COX7B2: variants seen among roughly 807,000 people sequenced by gnomAD.
COX7B2 encodes cytochrome c oxidase subunit 7B2, mitochondrial.
For synonymous variants in COX7B2, 37 were observed against 32.1 expected (o/e 1.15, Z -0.51); for missense variants, 109 against 95.9 (o/e 1.14, Z -0.57).
At chr4:46,842,752 T>C (rs1716018372) in intron 2 of COX7B2, among the ~76,000 whole-genome samples, 1 of 152,158 alleles carries the variant, frequency 6.6e-6, no homozygotes, top group Non-Finnish European at 1.5e-5. Flanking sequence ...TATGGCTGCA[T>C]AGTATTCCAT....
At chr4:46,798,195 G>A (rs1442849465) in intron 2 of COX7B2, among the ~76,000 whole-genome samples, 1 of 152,176 alleles carries the variant, frequency 6.6e-6, no homozygotes, top group Non-Finnish European at 1.5e-5. Context: ...TAGGAGTCTA[G>A]TGGTATGGGG....
At chr4:46,786,467 C>T (rs1469671642) in intron 2 of COX7B2, among the ~76,000 whole-genome samples, 2 of 152,228 alleles carry the variant, frequency 1.3e-5, no homozygotes, top group African/African-American at 2.4e-5. Flanking sequence ...TATTGGCATG[C>T]TTACTTATTT....
At chr4:46,788,429 AT>A (rs1157269390) in intron 2 of COX7B2, among the ~76,000 whole-genome samples, 3 of 152,136 alleles carry the variant, frequency 2.0e-5, no homozygotes, top group Admixed American at 6.5e-5. Context: ...AACATATGAT[AT>A]TTTTTAACAG....
chr4:46,885,438 T>C (rs931633399), intron 1 of COX7B2, among the ~76,000 whole-genome samples: 9 of 152,158 alleles, frequency 5.9e-5, no homozygotes, highest in African/African-American at 2.2e-4. Context: ...GTTGGATAAG[T>C]AAACATATAA....
chr4:46,758,049 A>G (rs1347069571), intron 2 of COX7B2, among the ~76,000 whole-genome samples: 1 of 152,118 alleles, frequency 6.6e-6, no homozygotes, highest in Non-Finnish European at 1.5e-5. Flanking sequence ...TAAGTATTCT[A>G]CAATACTTTA....
chr4:46,779,326 A>G (rs200003175), intron 2 of COX7B2, among the ~76,000 whole-genome samples: 3 of 152,166 alleles, frequency 2.0e-5, no homozygotes, highest in Non-Finnish European at 4.4e-5. Flanking sequence ...CTTTAGGTTC[A>G]TTCATATTGT....
chr4:46,895,844 TC>T (rs1254623165), intron 1 of COX7B2, among the ~76,000 whole-genome samples: 3 of 152,144 alleles, frequency 2.0e-5, no homozygotes, highest in African/African-American at 7.2e-5. Context: ...CAAAATAACT[TC>T]GCTAGAAAAT....
At chr4:46,781,471 C>G (rs1269982873) in intron 2 of COX7B2, among the ~76,000 whole-genome samples, 30 of 152,194 alleles carry the variant, frequency 2.0e-4, no homozygotes, top group Admixed American at 2.0e-3. Context: ...ATTTGGTTTT[C>G]AAATCTTCTT....
At chr4:46,882,995 C>A (rs1718846039) in intron 1 of COX7B2, among the ~76,000 whole-genome samples, 1 of 152,028 alleles carries the variant, frequency 6.6e-6, no homozygotes, top group Admixed American at 6.6e-5. Flanking sequence ...AGCTAGGTAA[C>A]AATTTGAAGG....
At chr4:46,822,636 A>G (rs1039745397) in intron 2 of COX7B2, among the ~76,000 whole-genome samples, 1 of 152,178 alleles carries the variant, frequency 6.6e-6, no homozygotes, top group Non-Finnish European at 1.5e-5. Flanking sequence ...AATGGCCTTT[A>G]TGGCCTAGAT....
intron 2 of COX7B2, among the ~76,000 whole-genome samples, chr4:46,831,506 G>C (rs1016370251): frequency 6.6e-6 from 1 of 152,214 alleles, no homozygotes; most frequent in Non-Finnish European, 1.5e-5. Flanking sequence ...AAGCCAGCTG[G>C]GCTCCTGAGT....
At chr4:46,761,832 T>G (rs961558979) in intron 2 of COX7B2, among the ~76,000 whole-genome samples, 1 of 151,834 alleles carries the variant, frequency 6.6e-6, no homozygotes, top group Non-Finnish European at 1.5e-5. Context: ...GGTGCCGAGA[T>G]GAGTGAATTA....
chr4:46,763,104 T>A (rs1716312526), intron 2 of COX7B2, among the ~76,000 whole-genome samples: 2 of 103,736 alleles, frequency 1.9e-5, no homozygotes. Flanking sequence ...ATATAATAAA[T>A]TATATAATAT....
At position 46,785,722 on chromosome 4, in the gene COX7B2, G is replaced by T. The variant is rs532489481; in HGVS notation, c.-49-50481C>A. 1.2e-3 allele frequency among the ~76,000 whole-genome samples: 187 copies of T among 152,100 alleles called. 1 individual carries two copies. The highest frequency in any genetic ancestry group is 4.3e-3 in the African/African-American group (177 of 41,476). On this transcript the variant is annotated intron_variant, in intron 2 of 2. Coordinates refer to ENST00000355591, the MANE Select transcript of COX7B2 (RefSeq NM_130902.3). ...AATAAAAGGACAAGGATAAAAGAAA[G>T]CCTGGGTGGACAGGGGACAGGAGAT...
chr4:46,814,298 C>T (rs908998687), intron 2 of COX7B2, among the ~76,000 whole-genome samples: 1 of 152,156 alleles, frequency 6.6e-6, no homozygotes, highest in Admixed American at 6.5e-5. Flanking sequence ...ATTTTGTTTC[C>T]TTATTCACTG....
chr4:46,863,750 C>A (rs186219301), intron 1 of COX7B2, among the ~76,000 whole-genome samples: 1 of 152,154 alleles, frequency 6.6e-6, no homozygotes, highest in African/African-American at 2.4e-5. Flanking sequence ...TTGACTGATG[C>A]TGAAATATTT....
chr4:46,838,239 A>G (rs140517020), intron 2 of COX7B2, among the ~76,000 whole-genome samples: 1 of 152,070 alleles, frequency 6.6e-6, no homozygotes, highest in East Asian at 1.9e-4. Context: ...CATAGGTAGC[A>G]CTTTAAAAGA....
chr4:46,784,163 G>A (rs940143238), intron 2 of COX7B2, among the ~76,000 whole-genome samples: 1 of 152,112 alleles, frequency 6.6e-6, no homozygotes, highest in Admixed American at 6.6e-5. Context: ...GAATAAGAGA[G>A]GGGCAAAATT....
chr4:46,873,415 G>A (rs890387017), intron 1 of COX7B2, among the ~76,000 whole-genome samples: 1 of 152,064 alleles, frequency 6.6e-6, no homozygotes, highest in African/African-American at 2.4e-5. Flanking sequence ...TTCCACAATG[G>A]TTGAACTAAT....
Sources: gnomAD v4.1 joint callset for allele counts (sites outside exome capture counted in the v4.1 genomes callset) on GRCh38, gnomAD v4.1.1 for gene constraint, MANE v1.5 for transcripts, NCBI Gene and HGNC (gene_info 2026-07-23, HGNC 2026-07-21) for gene names.